Variants in ZNF107 observed in about 807,000 individuals in gnomAD.
ZNF107 encodes the protein C2H2 type zinc-finger protein.
In ZNF107, 19 loss-of-function variants were observed where a neutral mutation model predicts 12.3. That is an observed-to-expected ratio of 1.55 (90% CI 1.08 to 2.27). The LOEUF is 2.27. Ranked by LOEUF, ZNF107 falls within the 30% of genes most tolerant of loss-of-function variation. The pLI is 0.00. For missense variants in ZNF107, 958 were observed against 979.9 expected, an observed-to-expected ratio of 0.98 and a Z score of 0.30; for synonymous variants, 317 against 330.5, an observed-to-expected ratio of 0.96 and a Z score of 0.44.
At chr7:64,703,712 A>C (rs11972603) in intron 3 of ZNF107, among the ~76,000 whole-genome samples, 5,599 of 152,254 alleles carry the variant, frequency 0.037, 349 homozygotes, top group African/African-American at 0.13. Flanking sequence ...TAAAGGTCTG[A>C]GCCACCGTGC....
Position 64,709,246 on chromosome 7 carries a change from C to T in ZNF107, c.*590C>T. On this transcript the variant is annotated 3_prime_UTR_variant, in exon 4 of 4. Transcript: ENST00000620827. ...TCTGTGGCAAAGCTTTTAACTGATT[C>T]TCAACTCTTACTACATGTAAGAGTA... 1 of 378,618 alleles carries T rather than the reference C, an allele frequency of 2.6e-6. No homozygotes were observed. Among genetic ancestry groups the T allele is most frequent in the South Asian group, 2.2e-5 (1 of 44,586 alleles). The allele number at this position is 378,618 out of a possible 1,614,324, so 23.5% of individuals were successfully genotyped here. A position where few individuals can be genotyped will look rare whatever the true frequency, so the allele number is the denominator to read the frequency against.
At position 64,666,262 on chromosome 7, in the gene ZNF107, G is replaced by A. The variant is rs1788995615; in HGVS notation, c.-21G>A. On this transcript the variant is annotated 5_prime_UTR_variant, in exon 1 of 4. Transcript: ENST00000620827. Reference sequence around the variant, plus strand: ...TGGGAGATCCACAGCTAAGACGCCGGGACTCCCTGGAAACCTAGAAATGGT... The same window carrying A: ...TGGGAGATCCACAGCTAAGACGCCGAGACTCCCTGGAAACCTAGAAATGGT... 3.7e-6 allele frequency: 6 copies of A among 1,609,060 alleles called. No homozygotes were observed. The Middle Eastern group carries it at 8.3e-4, about 221-fold the overall frequency.
intron 1 of ZNF107, among the ~76,000 whole-genome samples, chr7:64,667,950 A>AC (rs1295354254): frequency 6.0e-5 from 3 of 49,690 alleles, no homozygotes; most frequent in African/African-American, 1.7e-4. Flanking sequence ...ATTCCAGAAG[A>AC]CAAAAAAAAA....
intron 3 of ZNF107, among the ~76,000 whole-genome samples, chr7:64,702,677 C>G (rs1393545878): frequency 6.6e-6 from 1 of 152,086 alleles, no homozygotes; most frequent in African/African-American, 2.4e-5. Context: ...CCTGCCTCAG[C>G]CTCCGGAGTA....
In ZNF107 at chr7:64,708,416, C is replaced by G; in HGVS notation, c.2319C>G (p.Ser773=). 2 of 1,603,562 alleles carry G rather than the reference C, an allele frequency of 1.2e-6. No individual in the cohort carries two copies. The highest frequency in any genetic ancestry group is 1.1e-5 in the South Asian group (1 of 90,552). The change falls in exon 4 of 4, where the codon TCC becomes TCG. Residue 773 remains serine (S), a synonymous_variant. Coordinates refer to ENST00000620827, the MANE Select transcript of ZNF107 (RefSeq NM_001282359.2). The part of the protein sequence containing the change: ...CEECGKAFNQ[S]SNLTTHKKIH... ...AATGTGGCAAAGCTTTTAACCAATC[C>G]TCAAACCTTACTACACATAAGAAAA... is the stretch of plus-strand genomic sequence containing the variant.
intron 1 of ZNF107, chr7:64,690,636 C>A: frequency 2.9e-6 from 2 of 701,518 alleles, no homozygotes; most frequent in Non-Finnish European, 3.5e-6. Flanking sequence ...TAGTTTCCCA[C>A]AAGTCACAAA....
Position 64,666,281 on chromosome 7 carries a change from A to G in ZNF107, c.-2A>G. 1 of 1,610,076 alleles carries G rather than the reference A, an allele frequency of 6.2e-7. No homozygotes were observed. The highest frequency in any genetic ancestry group is 8.5e-7 in the Non-Finnish European group (1 of 1,177,692). On this transcript the variant is annotated 5_prime_UTR_variant, in exon 1 of 4. Transcript: ENST00000620827. ...ACGCCGGGACTCCCTGGAAACCTAG[A>G]AATGGTGAGAGTGCTGGGTCCGACA...
At chr7:64,691,466 C>A in intron 2 of ZNF107, 92 bp downstream of exon 2, 1 of 1,145,706 alleles carries the variant, frequency 8.7e-7, no homozygotes, top group Non-Finnish European at 1.1e-6. Flanking sequence ...TTATGCTTTG[C>A]ATAAATGAGT....
In ZNF107 at chr7:64,706,367, C is replaced by T. The variant is rs956869351; in HGVS notation, c.270C>T (p.Asn90=). The part of the protein sequence containing the change: ...HFAQDLWPEQ[N]IKDSFQKVTL... ...CCCAAGACCTTTGGCCAGAGCAGAA[C>T]ATAAAAGATTCTTTCCAGAAAGTGA... The change falls in exon 4 of 4, where the codon AAC becomes AAT. Residue 90 remains asparagine, a synonymous_variant. Transcript: ENST00000620827. 1 of 1,606,298 alleles carries T rather than the reference C, an allele frequency of 6.2e-7. No individual in the cohort carries two copies. Among genetic ancestry groups the T allele is most frequent in the Non-Finnish European group, 8.5e-7 (1 of 1,175,590 alleles).
rs1790650876 is a variant in ZNF107 at position 64,706,556 on chromosome 7, CTT to C, written c.461_462del (p.Phe154Ter). 1 of 1,607,372 alleles carries C rather than the reference CTT, an allele frequency of 6.2e-7. No individual in the cohort carries two copies. Among genetic ancestry groups the C allele is most frequent in the East Asian group, 2.2e-5 (1 of 44,826 alleles). Reference sequence around the variant, plus strand: ...TCCAGTGTAATAAATATGTGAAAGTCTTTGATAAATTTTCAAATTCAAATAGA... The same window carrying C: ...TCCAGTGTAATAAATATGTGAAAGTCTGATAAATTTTCAAATTCAAATAGA... Reference protein sequence around the residue: ...IFQCNKYVKVFDKFSNSNRYK... With the variant: ...IFQCNKYVKVXDKFSNSNRYK... On this transcript the variant is annotated frameshift_variant, in exon 4 of 4. Coordinates refer to ENST00000620827, the MANE Select transcript of ZNF107 (RefSeq NM_001282359.2). LOFTEE classifies it low-confidence loss of function (END_TRUNC).
At chr7:64,679,136 G>A (rs1789546594) in intron 1 of ZNF107, 5 of 979,576 alleles carry the variant, frequency 5.1e-6, no homozygotes, top group Non-Finnish European at 4.8e-6. Context: ...ACTTGGGTGC[G>A]AGCTCACACG....
intron 1 of ZNF107, among the ~76,000 whole-genome samples, chr7:64,673,542 A>G (rs1789312843): frequency 6.6e-6 from 1 of 152,122 alleles, no homozygotes; most frequent in African/African-American, 2.4e-5. Flanking sequence ...TTGTCTGTTG[A>G]TAGTTTCCAT....
intron 2 of ZNF107, among the ~76,000 whole-genome samples, 162 bp downstream of exon 2, chr7:64,691,536 C>T (rs1372313187): frequency 1.3e-5 from 2 of 152,126 alleles, no homozygotes; most frequent in Non-Finnish European, 2.9e-5. Context: ...ATAATTCCTT[C>T]AAGATACTTC....
At chr7:64,683,991 G>A (rs1789796234) in intron 1 of ZNF107, among the ~76,000 whole-genome samples, 1 of 152,134 alleles carries the variant, frequency 6.6e-6, no homozygotes, top group Admixed American at 6.5e-5. Flanking sequence ...CAATCTGACA[G>A]TGGTCCAGCC....
rs1383578969 is a variant in ZNF107 at position 64,691,372 on chromosome 7, T to A, written c.128T>A (p.Leu43Ter). 2 of 1,474,606 alleles carry A rather than the reference T, an allele frequency of 1.4e-6. No homozygotes were observed. The highest frequency in any genetic ancestry group is 4.6e-5 in the Admixed American group (2 of 43,292). 91.3% of individuals were successfully genotyped at this position (1,474,606 alleles called of 1,614,324 possible). Residue 43 changes from leucine to a stop codon, truncating the protein, a stop_gained and splice_region_variant, in exon 2 of 4, where the codon TTG becomes TAG. Coordinates refer to ENST00000620827, the MANE Select transcript of ZNF107 (RefSeq NM_001282359.2). LOFTEE classifies it high-confidence loss of function. ...LLENYRNLVF[L>*]GIAVSKPYLI... The stretch of plus-strand genomic sequence containing the variant: ...GAGAACTACAGAAACCTGGTCTTTT[T>A]GGGTGAGGATAACTTCAATACACAA...
intron 1 of ZNF107, among the ~76,000 whole-genome samples, chr7:64,685,746 ATTC>A (rs1029886127): frequency 3.9e-5 from 6 of 152,126 alleles, no homozygotes; most frequent in Admixed American, 6.5e-5. Flanking sequence ...GCCAAGGCAT[ATTC>A]TTCTTGTGTG....
Position 64,693,715 on chromosome 7 carries a change from C to T in ZNF107, c.226+1755C>T, listed in dbSNP as rs192735144. ...GCAGTCGGGTCTGCATATGGTAGGC[C>T]TTATATCAGGATGTGGATGAGTATG... On this transcript the variant is annotated intron_variant, in intron 3 of 3. Transcript: ENST00000620827. Among the ~76,000 whole-genome samples, 48 of 152,174 alleles carry T rather than the reference C, an allele frequency of 3.2e-4. No homozygotes were observed. The South Asian group carries it at 3.9e-3, about 13-fold the overall frequency.
At position 64,709,722 on chromosome 7, in the gene ZNF107, CATT is replaced by C. The variant is rs1244480536; in HGVS notation, c.*1072_*1074del. On this transcript the variant is annotated 3_prime_UTR_variant, in exon 4 of 4. Transcript: ENST00000620827. ...ACAAATACAAGGAATGTGGAAAAGC[CATT>C]ATTATCTGCTCAGATTTTACTCAAC... is the stretch of plus-strand genomic sequence containing the variant. 7 of 455,730 alleles carry C rather than the reference CATT, an allele frequency of 1.5e-5. No individual in the cohort carries two copies. The highest frequency in any genetic ancestry group is 9.4e-5 in the Admixed American group (4 of 42,522). 28.2% of individuals were successfully genotyped at this position (455,730 alleles called of 1,614,324 possible).
chr7:64,710,734 A>G lies in ZNF107; in HGVS notation c.*2078A>G, dbSNP rs1389974270. ...TGTGAAAGCATGTGATTAATTTTTC[A>G]TGCATCAAAGATATGAGAAATCATT... On this transcript the variant is annotated 3_prime_UTR_variant, in exon 4 of 4. Coordinates refer to ENST00000620827, the MANE Select transcript of ZNF107 (RefSeq NM_001282359.2). 1 of 152,090 alleles carries G rather than the reference A, an allele frequency of 6.6e-6. No homozygotes were observed. The highest frequency in any genetic ancestry group is 2.4e-5 in the African/African-American group (1 of 41,424). The allele number at this position is 152,090 out of a possible 1,614,324, so 9.4% of individuals were successfully genotyped here.
Sources: allele counts gnomAD v4.1 joint callset (sites outside exome capture counted in the v4.1 genomes callset), GRCh38; gene constraint gnomAD v4.1.1; transcripts MANE v1.5; gene names NCBI Gene and HGNC (gene_info 2026-07-23, HGNC 2026-07-21).